TENM3: variants seen among roughly 807,000 people sequenced by gnomAD.
TENM3 encodes teneurin-3.
In TENM3, 63 loss-of-function variants were observed where a neutral mutation model predicts 255.1. The observed-to-expected ratio is 0.25, with a 90% CI of 0.20 to 0.30. The LOEUF is 0.30. Among genes scored for constraint, TENM3 ranks in the 10% least tolerant of loss-of-function variants. TENM3 has a pLI of 1.00. For synonymous variants in TENM3, 1,306 were observed against 1,322.3 expected, an observed-to-expected ratio of 0.99 and a Z score of 0.27; for missense variants, 2,929 against 3,461.1, an observed-to-expected ratio of 0.85 and a Z score of 3.86.
chr4:181,596,913 A>G, the TENM3 span, among the ~76,000 whole-genome samples: 1 of 152,074 alleles, frequency 6.6e-6, no homozygotes, highest in Non-Finnish European at 1.5e-5. Context: ...GGGGAGCAAC[A>G]TACACTGGGG....
chr4:182,680,840 TG>T (rs939503216), intron 10 of TENM3, 103 bp downstream of exon 10: 27 of 868,650 alleles, frequency 3.1e-5, no homozygotes, highest in Non-Finnish European at 4.2e-5. Flanking sequence ...CGCTTCCTTT[TG>T]AAAGCAATTT....
chr4:182,145,983 A>G (rs1749937955), intron 1 of TENM3, among the ~76,000 whole-genome samples: 1 of 152,164 alleles, frequency 6.6e-6, no homozygotes, highest in African/African-American at 2.4e-5. Context: ...AGTATCCCAA[A>G]AGATGGTATT....
At chr4:181,985,938 AT>A in the TENM3 span, among the ~76,000 whole-genome samples, 1 of 151,830 alleles carries the variant, frequency 6.6e-6, no homozygotes, top group Non-Finnish European at 1.5e-5. Flanking sequence ...TCTTTCATAC[AT>A]TTTTATATGC....
the TENM3 span, among the ~76,000 whole-genome samples, chr4:181,762,608 T>C: frequency 0.012 from 1,774 of 152,308 alleles, 41 homozygotes; most frequent in African/African-American, 0.041. Flanking sequence ...AAATCCAGCT[T>C]CCTCAACTCT....
intron 1 of TENM3, among the ~76,000 whole-genome samples, chr4:182,160,090 C>T: frequency 6.6e-6 from 1 of 150,504 alleles, no homozygotes; most frequent in Non-Finnish European, 1.5e-5. Context: ...GCAAGCTCCG[C>T]TTCCCGGGTT....
the TENM3 span, among the ~76,000 whole-genome samples, chr4:181,981,904 G>A: frequency 7.2e-5 from 11 of 152,272 alleles, no homozygotes; most frequent in East Asian, 1.9e-4. Flanking sequence ...AGTTGGCCCC[G>A]TCATTAGGTA....
At chr4:181,714,462 A>C in the TENM3 span, among the ~76,000 whole-genome samples, 1 of 152,170 alleles carries the variant, frequency 6.6e-6, no homozygotes, top group East Asian at 1.9e-4. Flanking sequence ...AAAAGAAAGA[A>C]AGACAGAAAA....
At chr4:181,840,630 T>A in the TENM3 span, among the ~76,000 whole-genome samples, 1 of 152,078 alleles carries the variant, frequency 6.6e-6, no homozygotes, top group Non-Finnish European at 1.5e-5. Flanking sequence ...ACATATGATA[T>A]AGAGTATTTT....
chr4:182,239,211 G>C (rs1431394322), upstream of TENM3, among the ~76,000 whole-genome samples: 1 of 151,816 alleles, frequency 6.6e-6, no homozygotes, highest in Non-Finnish European at 1.5e-5. Flanking sequence ...CGAGTAGCTG[G>C]GATTACAGGC....
intron 22 of TENM3, among the ~76,000 whole-genome samples, chr4:182,761,924 A>G (rs1271383503): frequency 6.6e-6 from 1 of 152,234 alleles, no homozygotes; most frequent in Non-Finnish European, 1.5e-5. Flanking sequence ...TGCATAGGCA[A>G]GTTTCTAAAG....
Position 182,799,104 on chromosome 4 carries a change from G to A in TENM3, c.7345-492G>A, listed in dbSNP as rs1001236242. Among the ~76,000 whole-genome samples the A allele has an allele frequency of 9.2e-5, 14 of 152,192 alleles. No individual in the cohort carries two copies. The highest frequency in any genetic ancestry group is 1.8e-4 in the Non-Finnish European group (12 of 68,034). On this transcript the variant is annotated intron_variant, in intron 27 of 27. Coordinates refer to ENST00000511685, the MANE Select transcript of TENM3 (RefSeq NM_001080477.4). This position sits in a 1 kb window ranked among gnomAD's most constrained non-coding sequence, Gnocchi z 4.2. ...TCAGCTGAAAACTCTGCCAGGAGAG[G>A]GGACAGAGTTGACTTAAATACAAGC... is the stretch of plus-strand genomic sequence containing the variant.
the TENM3 span, among the ~76,000 whole-genome samples, chr4:181,863,598 A>G: frequency 6.6e-6 from 1 of 152,272 alleles, no homozygotes; most frequent in East Asian, 1.9e-4. Flanking sequence ...CCTGCCCTTT[A>G]CACTCGTCCT....
At chr4:181,695,143 T>C in the TENM3 span, among the ~76,000 whole-genome samples, 1 of 152,216 alleles carries the variant, frequency 6.6e-6, no homozygotes, top group Non-Finnish European at 1.5e-5. Flanking sequence ...CTATTAATAT[T>C]TGCCTAACAA....
chr4:182,152,720 A>T (rs904946499), intron 1 of TENM3, among the ~76,000 whole-genome samples: 5 of 148,090 alleles, frequency 3.4e-5, no homozygotes, highest in African/African-American at 1.2e-4. Flanking sequence ...TTTACTAAAG[A>T]TAAAGTACTT....
intron 4 of TENM3, among the ~76,000 whole-genome samples, chr4:182,607,617 C>A (rs1463813525): frequency 6.6e-6 from 1 of 152,076 alleles, no homozygotes; most frequent in Admixed American, 6.5e-5. Context: ...GCTTTAGAGT[C>A]TTTTGTGCAT....
the TENM3 span, among the ~76,000 whole-genome samples, chr4:181,470,060 T>C: frequency 2.8e-5 from 4 of 143,452 alleles, no homozygotes; most frequent in South Asian, 8.7e-4. Context: ...TCTCTGCCAA[T>C]TCACAGTGCA....
At chr4:181,953,894 C>T in the TENM3 span, among the ~76,000 whole-genome samples, 10 of 152,134 alleles carry the variant, frequency 6.6e-5, no homozygotes, top group East Asian at 5.8e-4. Context: ...AAGTATAGTA[C>T]GTTTCCATCA....
intron 11 of TENM3, among the ~76,000 whole-genome samples, chr4:182,684,439 CA>C (rs397996500): frequency 1.4e-5 from 1 of 69,960 alleles, no homozygotes; most frequent in South Asian, 6.7e-4. Flanking sequence ...GGCCCCATCA[CA>C]AAAAAAAAAA....
At chr4:181,925,994 C>T in the TENM3 span, among the ~76,000 whole-genome samples, 34 of 152,282 alleles carry the variant, frequency 2.2e-4, no homozygotes, top group African/African-American at 7.9e-4. Flanking sequence ...CTTGTTTTGG[C>T]ATGATGTCGC....
Sources: gnomAD v4.1 joint callset for allele counts (sites outside exome capture counted in the v4.1 genomes callset) on GRCh38, gnomAD v4.1.1 for gene constraint, Gnocchi (gnomAD v3.1) non-coding constraint, MANE v1.5 for transcripts, NCBI Gene and HGNC (gene_info 2026-07-23, HGNC 2026-07-21) for gene names.